Variants in GET1 observed in about 807,000 individuals in gnomAD.
GET1 encodes guided entry of tail-anchored proteins factor 1.
In GET1, 20 loss-of-function variants were observed where a neutral mutation model predicts 22.6. The observed-to-expected ratio is 0.89, with a 90% CI of 0.62 to 1.29. The LOEUF is 1.29. GET1 is among the 50% of genes most tolerant of loss of function. The probability of loss-of-function intolerance (pLI) is 0.00; values close to 1 mark genes in which losing one functional copy is unlikely to be tolerated. For synonymous variants in GET1, 92 were observed against 83.8 expected (o/e 1.10, Z -0.53); for missense variants, 209 against 219.9 (o/e 0.95, Z 0.31).
At chr21:39,394,469 G>A (rs1421914270) in intron 4 of GET1, among the ~76,000 whole-genome samples, 1 of 152,100 alleles carries the variant, frequency 6.6e-6, no homozygotes, top group Non-Finnish European at 1.5e-5. Flanking sequence ...TTACTTTATA[G>A]GGTAAGCCTA....
chr21:39,406,257 G>A (rs140144971), exon 5 of GET1: 42 of 1,614,020 alleles, frequency 2.6e-5, no homozygotes, highest in Middle Eastern at 1.6e-4. Context: ...TCATGTTGCC[G>A]GCATTGGCTG....
intron 1 of GET1, chr21:39,380,913 A>G (rs1305835585): frequency 5.0e-5 from 6 of 120,392 alleles, no homozygotes; most frequent in Non-Finnish European, 9.4e-5. Flanking sequence ...AGGAGCCCAC[A>G]TTCTTGGGGT....
chr21:39,420,278 A>G (rs756151030), intron 1 of GET1, among the ~76,000 whole-genome samples: 5 of 152,098 alleles, frequency 3.3e-5, no homozygotes, highest in African/African-American at 4.8e-5. Context: ...TCCCAGCACT[A>G]TGGGAGACCA....
rs920486019 is a variant in GET1, at chr21:39,426,060, G to T, written c.*24-2172G>T. The T allele has an allele frequency of 3.5e-4, 54 of 152,200 alleles. 1 individual carries two copies. The highest frequency in any genetic ancestry group is 1.3e-3 in the African/African-American group (52 of 41,422). 9.4% of individuals were successfully genotyped at this position (152,200 alleles called of 1,614,324 possible). A position where few individuals can be genotyped will look rare whatever the true frequency, so the allele number is the denominator to read the frequency against. On this transcript the variant is annotated intron_variant, in intron 1 of 1. Coordinates refer to the GET1 transcript ENST00000478273. Reference sequence around the variant, plus strand: ...GTAAGTGGTAAAAATGAAGGGCAGAGGCTTCTCCCCCAGTATTCTTCTTTG... The same window carrying T: ...GTAAGTGGTAAAAATGAAGGGCAGATGCTTCTCCCCCAGTATTCTTCTTTG...
downstream of GET1, among the ~76,000 whole-genome samples, chr21:39,399,717 A>T (rs939965239): frequency 6.6e-6 from 1 of 152,040 alleles, no homozygotes; most frequent in Non-Finnish European, 1.5e-5. Flanking sequence ...GGGATTACAG[A>T]CCTGAGCCAC....
intron 4 of GET1, among the ~76,000 whole-genome samples, chr21:39,403,447 C>T (rs374836944): frequency 5.9e-4 from 90 of 152,062 alleles, no homozygotes; most frequent in African/African-American, 2.1e-3. Context: ...CCGCCTCAGC[C>T]TCTCCAGTAG....
intron 1 of GET1, among the ~76,000 whole-genome samples, chr21:39,420,503 AC>A (rs2042099754): frequency 2.1e-5 from 3 of 145,982 alleles, no homozygotes; most frequent in Admixed American, 2.1e-4. Flanking sequence ...AGCCTGGGTG[AC>A]AGAGCAAGAT....
downstream of GET1, among the ~76,000 whole-genome samples, chr21:39,409,745 G>A (rs374529494): frequency 2.7e-3 from 413 of 152,148 alleles, 5 homozygotes; most frequent in African/African-American, 9.4e-3. The surrounding 1 kb of genome is among the most constrained non-coding windows in gnomAD (Gnocchi z 4.2). Flanking sequence ...GGCACATACC[G>A]CCATGTGCGG....
downstream of GET1, among the ~76,000 whole-genome samples, chr21:39,398,166 C>T (rs766437612): frequency 6.6e-6 from 1 of 152,300 alleles, no homozygotes; most frequent in East Asian, 1.9e-4. Flanking sequence ...TTCCAGTGTC[C>T]GTCACCACAC....
chr21:39,414,742 C>CTGTGTGTGTGTGTGTG (rs66478742), intron 1 of GET1, among the ~76,000 whole-genome samples: 26 of 99,222 alleles, frequency 2.6e-4, no homozygotes, highest in African/African-American at 7.0e-4. Flanking sequence ...CTCTCTCTCT[C>CTGTGTGTGTGTGTGTG]TGTGTGTGTG....
chr21:39,417,829 G>A (rs896500832), intron 1 of GET1, among the ~76,000 whole-genome samples: 9 of 151,946 alleles, frequency 5.9e-5, no homozygotes, highest in Admixed American at 2.6e-4. Context: ...GCGGTGGCGT[G>A]ATCTCCGCTC....
At chr21:39,393,026 G>T (rs2038408157) in intron 3 of GET1, 140 bp from the exon 4 acceptor site, 3 of 633,138 alleles carry the variant, frequency 4.7e-6, no homozygotes, top group African/African-American at 3.7e-5. Flanking sequence ...TCTGTTGTCT[G>T]TGGGGACTGG....
At chr21:39,398,352 C>T (rs980161743), downstream of GET1, among the ~76,000 whole-genome samples, 38 of 152,132 alleles carry the variant, frequency 2.5e-4, no homozygotes, top group African/African-American at 7.5e-4. Flanking sequence ...AACAGTGCAC[C>T]GGCCATGTAG....
chr21:39,423,007 G>A lies in GET1; in HGVS notation c.*24-5225G>A, dbSNP rs145628827. ...TTTTTTGTCATTTGCGTCCATTTTT[G>A]TTGTGATAATAGATAATTTATGAGT... On this transcript the variant is annotated intron_variant, in intron 1 of 1. Coordinates refer to the GET1 transcript ENST00000478273. 1,622 of 1,613,400 alleles carry A rather than the reference G, an allele frequency of 1.0e-3. No individual in the cohort carries two copies. The highest frequency in any genetic ancestry group is 1.3e-3 in the Non-Finnish European group (1,528 of 1,179,850).
In GET1 at chr21:39,392,145, G is replaced by A. The variant is rs576536378; in HGVS notation, c.336+309G>A. ...AGGGCCTGGTGGGATGAAGCGAGAG[G>A]CTTATAGATGACATCAGTTTTTTCT... is the stretch of plus-strand genomic sequence containing the variant. On this transcript the variant is annotated intron_variant, in intron 3 of 4. Coordinates refer to ENST00000649170, the MANE Select transcript of GET1 (RefSeq NM_004627.6). The A allele has an allele frequency of 8.2e-4, 242 of 295,934 alleles. 3 individuals carry two copies. The South Asian group carries it at 0.013, about 16-fold the overall frequency. The allele number at this position is 295,934 out of a possible 1,614,324, so 18.3% of individuals were successfully genotyped here.
intron 1 of GET1, among the ~76,000 whole-genome samples, chr21:39,424,387 G>A (rs1328198200): frequency 2.6e-5 from 4 of 152,122 alleles, no homozygotes; most frequent in East Asian, 1.9e-4. Flanking sequence ...AAGCCTTGGC[G>A]GGAGGATCCC....
chr21:39,412,665 TA>T (rs1260494891), intron 1 of GET1, among the ~76,000 whole-genome samples: 1 of 152,086 alleles, frequency 6.6e-6, no homozygotes, highest in Non-Finnish European at 1.5e-5. Context: ...TTGTGCCCCT[TA>T]GGGTCAAATC....
At chr21:39,396,801 C>T in intron 4 of GET1, 65 bp from the exon 5 acceptor site, 1 of 1,435,126 alleles carries the variant, frequency 7.0e-7, no homozygotes, top group African/African-American at 1.4e-5. Flanking sequence ...GAGTTAAAGA[C>T]AGCAGAGACA....
chr21:39,380,489 A>G lies in GET1; in HGVS notation c.102+3A>G, dbSNP rs1213913808. On this transcript the variant is annotated splice_donor_region_variant and intron_variant, in intron 1 of 4. Coordinates refer to ENST00000649170, the MANE Select transcript of GET1 (RefSeq NM_004627.6). ...TCCTCCCGTCCTTCTCATCCTTCGT[A>G]AGTGGCTGCCTGGCCTCCCAAGGGC... 2.5e-6 allele frequency: 4 copies of G among 1,609,656 alleles called. No individual in the cohort carries two copies. The Admixed American group carries it at 6.7e-5, about 27-fold the overall frequency.
Sources: allele counts gnomAD v4.1 joint callset (sites outside exome capture counted in the v4.1 genomes callset), GRCh38; gene constraint gnomAD v4.1.1; non-coding constraint Gnocchi (gnomAD v3.1); transcripts MANE v1.5; gene names NCBI Gene and HGNC (gene_info 2026-07-23, HGNC 2026-07-21).